RAB28: variants seen among roughly 807,000 people sequenced by gnomAD.
The protein encoded by RAB28 is ras-related protein Rab-28.
RAB28 carries 24 observed loss-of-function variants against 31.7 expected under a neutral mutation model. The ratio of observed to expected loss-of-function variants is 0.76; its 90% CI spans 0.55 to 1.06. RAB28 has a LOEUF of 1.06. Among genes scored for constraint, RAB28 ranks in the 50% least tolerant of loss-of-function variants. The pLI, the probability that RAB28 is intolerant of heterozygous loss-of-function variation, is 0.00. For missense variants in RAB28, 254 were observed against 258.5 expected (o/e 0.98, Z 0.12); for synonymous variants, 100 against 90.4 (o/e 1.11, Z -0.60).
At chr4:13,479,656 A>T in intron 1 of RAB28, 130 bp from the exon 2 acceptor site, 1 of 636,738 alleles carries the variant, frequency 1.6e-6, no homozygotes, top group East Asian at 2.9e-5. Context: ...AAGCAGTTCT[A>T]ATCAGTTACA....
chr4:13,371,673 A>G (rs370617684), intron 6 of RAB28: 24 of 1,486,294 alleles, frequency 1.6e-5, no homozygotes, highest in South Asian at 1.6e-4. Flanking sequence ...TTCACTTTCT[A>G]TGATTAGAAA....
intron 3 of RAB28, among the ~76,000 whole-genome samples, chr4:13,471,925 A>C (rs571285098): frequency 1.1e-4 from 17 of 152,088 alleles, no homozygotes; most frequent in Non-Finnish European, 2.1e-4. Flanking sequence ...CTTTCTCCCA[A>C]GAAAAAAAGT....
chr4:13,480,307 G>A (rs543890004), intron 1 of RAB28, among the ~76,000 whole-genome samples: 16 of 151,724 alleles, frequency 1.1e-4, no homozygotes, highest in African/African-American at 2.4e-4. Context: ...AGTAACAACT[G>A]AATAACAATA....
At chr4:13,481,095 T>C (rs1404982431) in intron 1 of RAB28, among the ~76,000 whole-genome samples, 1 of 152,042 alleles carries the variant, frequency 6.6e-6, no homozygotes, top group Non-Finnish European at 1.5e-5. Context: ...AATTTTTCAC[T>C]TTAAAGAATC....
chr4:13,415,769 G>A (rs1429480809), intron 4 of RAB28, among the ~76,000 whole-genome samples: 1 of 152,206 alleles, frequency 6.6e-6, no homozygotes, highest in Non-Finnish European at 1.5e-5. Context: ...AGGCGTGCGG[G>A]CGCACGGCAT....
At chr4:13,372,173 G>C (rs1053161968) in intron 6 of RAB28, among the ~76,000 whole-genome samples, 1 of 152,008 alleles carries the variant, frequency 6.6e-6, no homozygotes, top group East Asian at 1.9e-4. Flanking sequence ...CATAATCTCT[G>C]TTTTTTTGAG....
At chr4:13,445,710 C>A (rs1213631601) in intron 4 of RAB28, among the ~76,000 whole-genome samples, 1 of 151,618 alleles carries the variant, frequency 6.6e-6, no homozygotes, top group Non-Finnish European at 1.5e-5. Context: ...AGACTGCTAT[C>A]TATTCCTTCT....
chr4:13,413,056 A>C (rs1163494810), intron 4 of RAB28, among the ~76,000 whole-genome samples: 1 of 152,204 alleles, frequency 6.6e-6, no homozygotes, highest in Non-Finnish European at 1.5e-5. Context: ...GCAAATATCT[A>C]ATATGCAGAT....
intron 4 of RAB28, among the ~76,000 whole-genome samples, chr4:13,436,386 C>T (rs1384568019): frequency 6.6e-6 from 1 of 152,020 alleles, no homozygotes; most frequent in East Asian, 1.9e-4. Context: ...AAATAAAGGG[C>T]ATCCAAATCA....
chr4:13,449,280 GA>G (rs1236858309), intron 4 of RAB28, among the ~76,000 whole-genome samples: 7 of 151,838 alleles, frequency 4.6e-5, no homozygotes, highest in African/African-American at 1.4e-4. Context: ...TACAGATAAA[GA>G]ATTTTTGAAG....
chr4:13,390,254 A>G (rs2108889850), intron 4 of RAB28, among the ~76,000 whole-genome samples: 1 of 152,318 alleles, frequency 6.6e-6, no homozygotes, highest in South Asian at 2.1e-4. Flanking sequence ...GCATTCCTAT[A>G]CACCAATAAC....
rs539842265 is a variant in RAB28 at position 13,387,965 on chromosome 4, G to T, written c.392-6371C>A. Among the ~76,000 whole-genome samples the T allele has an allele frequency of 2.6e-5, 4 of 152,028 alleles. No individual in the cohort carries two copies. The South Asian group carries it at 6.2e-4, about 24-fold the overall frequency. On this transcript the variant is annotated intron_variant, in intron 4 of 6. Coordinates refer to ENST00000330852, the MANE Select transcript of RAB28 (RefSeq NM_001017979.3). ...AAACTTGATAACCCAAGAACTCCCA[G>T]GGTCAATTTTCACCCATTACTATCA...
chr4:13,465,261 TA>T (rs1422788101), intron 3 of RAB28, among the ~76,000 whole-genome samples: 1 of 151,756 alleles, frequency 6.6e-6, no homozygotes, highest in Non-Finnish European at 1.5e-5. Context: ...CTGCCAAAAT[TA>T]ATTAGACACC....
intron 4 of RAB28, among the ~76,000 whole-genome samples, chr4:13,384,147 T>C (rs1302530651): frequency 3.9e-5 from 6 of 152,022 alleles, no homozygotes; most frequent in Admixed American, 3.9e-4. Flanking sequence ...GGGAGAACAA[T>C]GGACCTCCCC....
At chr4:13,442,098 C>T (rs1714449014) in intron 4 of RAB28, among the ~76,000 whole-genome samples, 1 of 152,192 alleles carries the variant, frequency 6.6e-6, no homozygotes, top group Non-Finnish European at 1.5e-5. Flanking sequence ...CTCAAATAGT[C>T]AATCCTACAT....
At position 13,413,696 on chromosome 4, in the gene RAB28, GT is replaced by G. The variant is rs1359697157; in HGVS notation, c.392-32103del. ...GTAATAAATAAGAAAAGAAGAGATAGTTTTTTTATAAATTAGGAATGGAAAA... is the reference window on the plus strand; with the variant it reads ...GTAATAAATAAGAAAAGAAGAGATAGTTTTTTATAAATTAGGAATGGAAAA... On this transcript the variant is annotated intron_variant, in intron 4 of 6. Transcript: ENST00000330852. 2.0e-5 allele frequency among the ~76,000 whole-genome samples: 3 copies of G among 152,072 alleles called. 1 individual carries two copies. The highest frequency in any genetic ancestry group is 4.1e-4 in the South Asian group (2 of 4,828).
chr4:13,462,743 A>G (rs965260256), intron 3 of RAB28, among the ~76,000 whole-genome samples: 1 of 152,190 alleles, frequency 6.6e-6, no homozygotes, highest in African/African-American at 2.4e-5. Flanking sequence ...CGTCTGGTTC[A>G]TTTTGGTCAC....
At position 13,381,516 on chromosome 4, in the gene RAB28, A is replaced by C; in HGVS notation, c.470T>G (p.Phe157Cys). The stretch of plus-strand genomic sequence containing the variant: ...AGAGTCTCCTGTCTTGGCTGAGACA[A>C]AGTGGCTACTAAAACCATTTTCCTG... ...FCQENGFSSH[F>C]VSAKTGDSVF... The change falls in exon 5 of 7, where the codon TTT becomes TGT. Residue 157 changes from phenylalanine to cysteine, a missense_variant. Physicochemically the swap from Phe to Cys is radical, Grantham distance 205. Transcript: ENST00000330852. 1 of 1,612,770 alleles carries C rather than the reference A, an allele frequency of 6.2e-7. No homozygotes were observed. The highest frequency in any genetic ancestry group is 8.5e-7 in the Non-Finnish European group (1 of 1,178,952).
At chr4:13,476,245 A>G (rs1560147653) in intron 2 of RAB28, among the ~76,000 whole-genome samples, 2 of 151,524 alleles carry the variant, frequency 1.3e-5, no homozygotes, top group Admixed American at 6.6e-5. Context: ...TCTGACTACA[A>G]TCATATCAAG....
Sources: gnomAD v4.1 joint callset for allele counts (sites outside exome capture counted in the v4.1 genomes callset) on GRCh38, gnomAD v4.1.1 for gene constraint, MANE v1.5 for transcripts, NCBI Gene and HGNC (gene_info 2026-07-23, HGNC 2026-07-21) for gene names.